Variants in STPG4 observed in about 807,000 individuals in gnomAD.
STPG4 encodes protein STPG4.
A neutral mutation model predicts 31.5 loss-of-function variants in STPG4; 41 were observed. The observed-to-expected ratio is 1.30, with a 90% CI of 1.01 to 1.69. The LOEUF is 1.69. Among genes scored for constraint, STPG4 ranks in the 40% most tolerant of loss-of-function variants. The probability of loss-of-function intolerance (pLI) is 0.00; values close to 1 mark genes in which losing one functional copy is unlikely to be tolerated. For missense variants in STPG4, 375 were observed against 293.4 expected (o/e 1.28, Z -2.03); for synonymous variants, 141 against 103.0 (o/e 1.37, Z -2.24).
Position 47,126,983 on chromosome 2 carries a change from G to C in STPG4, c.519+2958C>G, listed in dbSNP as rs569473677. Among the ~76,000 whole-genome samples the C allele has an allele frequency of 3.3e-5, 5 of 152,048 alleles. No individual in the cohort carries two copies. The South Asian group carries it at 8.3e-4, about 25-fold the overall frequency. On this transcript the variant is annotated intron_variant, in intron 5 of 6. Coordinates refer to ENST00000445927, the MANE Select transcript of STPG4 (RefSeq NM_001163561.2). ...TTGGGAGTTTGATTATTAATGTCTT[G>C]AGGTGGTCTTATTTGGGTTAAATAT...
At position 47,088,165 on chromosome 2, in the gene STPG4, C is replaced by T. The variant is rs544460848; in HGVS notation, c.625-1035G>A. Among the ~76,000 whole-genome samples the T allele has an allele frequency of 6.6e-5, 10 of 151,912 alleles. No homozygotes were observed. In the South Asian group the frequency reaches 1.9e-3, roughly 29 times the overall value. On this transcript the variant is annotated intron_variant, in intron 6 of 6. Coordinates refer to ENST00000445927, the MANE Select transcript of STPG4 (RefSeq NM_001163561.2). ...CAGGACCTCAGCTCACTGCAACCTCCACCTCCTGGGCTTAAGCGATTCTCA... is the reference window on the plus strand; with the variant it reads ...CAGGACCTCAGCTCACTGCAACCTCTACCTCCTGGGCTTAAGCGATTCTCA...
chr2:47,137,090 T>C lies in STPG4; in HGVS notation c.400-6830A>G, dbSNP rs184222297. ...CTGATCTTAGTGGGAAAGCTTCTAG[T>C]TTCTCACCATTAAGTATGATGCTAG... On this transcript the variant is annotated intron_variant, in intron 3 of 6. Transcript: ENST00000445927. Among the ~76,000 whole-genome samples the C allele has an allele frequency of 1.1e-3, 168 of 152,338 alleles. 1 individual carries two copies. The highest frequency in any genetic ancestry group is 4.0e-3 in the African/African-American group (165 of 41,576).
At chr2:47,148,339 G>C (rs904768465) in intron 3 of STPG4, among the ~76,000 whole-genome samples, 2 of 151,776 alleles carry the variant, frequency 1.3e-5, no homozygotes, top group African/African-American at 2.4e-5. Context: ...CTCAGCACTT[G>C]GGTGATGGGA....
At chr2:47,135,271 T>G (rs991740492) in intron 3 of STPG4, among the ~76,000 whole-genome samples, 12 of 152,192 alleles carry the variant, frequency 7.9e-5, no homozygotes, top group African/African-American at 2.7e-4. Context: ...TCGTCTAGAT[T>G]TTCTTATGTT....
chr2:47,095,431 C>G (rs1685650595), intron 5 of STPG4, among the ~76,000 whole-genome samples: 1 of 152,160 alleles, frequency 6.6e-6, no homozygotes, highest in African/African-American at 2.4e-5. Context: ...GCGAATGAGG[C>G]ATGAACAGAT....
At chr2:47,089,361 T>G (rs1163090176) in intron 6 of STPG4, among the ~76,000 whole-genome samples, 3 of 152,302 alleles carry the variant, frequency 2.0e-5, no homozygotes, top group African/African-American at 7.2e-5. Context: ...CCAGCAGCTC[T>G]GGGGCAGAGA....
At chr2:47,102,835 A>T (rs910143357) in intron 5 of STPG4, among the ~76,000 whole-genome samples, 1 of 151,836 alleles carries the variant, frequency 6.6e-6, no homozygotes, top group African/African-American at 2.4e-5. Context: ...AAAGCAGATC[A>T]AGGCAGACCT....
intron 5 of STPG4, among the ~76,000 whole-genome samples, chr2:47,111,589 A>G (rs570595464): frequency 1.3e-5 from 2 of 152,244 alleles, no homozygotes; most frequent in South Asian, 2.1e-4. Flanking sequence ...TGGTCTTGCA[A>G]TTTGTGAGGC....
At chr2:47,123,938 A>C (rs2103771779) in intron 5 of STPG4, among the ~76,000 whole-genome samples, 1 of 152,256 alleles carries the variant, frequency 6.6e-6, no homozygotes, top group East Asian at 1.9e-4. Context: ...TCATTTCTTT[A>C]TGTTACAAAC....
At chr2:47,139,206 A>G (rs1251316316) in intron 3 of STPG4, among the ~76,000 whole-genome samples, 1 of 152,204 alleles carries the variant, frequency 6.6e-6, no homozygotes. Context: ...TACTGAAGTC[A>G]TCTATTTCTC....
Position 47,130,244 on chromosome 2 carries a change from G to A in STPG4, c.416C>T (p.Pro139Leu), listed in dbSNP as rs201796380. The A allele has an allele frequency of 1.8e-4, 292 of 1,614,032 alleles. No homozygotes were observed. In the East Asian group the frequency reaches 3.9e-3, roughly 22 times the overall value. ...VDKDQSLQLSPGQYNVLPAPV... is the reference protein window; with the variant it reads ...VDKDQSLQLSLGQYNVLPAPV... The stretch of plus-strand genomic sequence containing the variant: ...TGCAGGAAGCACGTTGTATTGCCCC[G>A]GAGAAAGCTGAAGTGACTGCACAGA... The change falls in exon 4 of 7, where the codon CCG becomes CTG. Residue 139 changes from proline to leucine, a missense_variant. By Grantham distance (98) the Pro-to-Leu change is moderately conservative. Coordinates refer to ENST00000445927, the MANE Select transcript of STPG4 (RefSeq NM_001163561.2).
intron 6 of STPG4, 150 bp downstream of exon 6, chr2:47,090,120 C>A (rs1030161486): frequency 5.6e-6 from 3 of 537,650 alleles, no homozygotes; most frequent in Middle Eastern, 6.4e-4. Context: ...ATTGCCTTGA[C>A]AGGCAACTGT....
intron 5 of STPG4, among the ~76,000 whole-genome samples, chr2:47,115,811 C>G (rs1686142029): frequency 6.6e-6 from 1 of 152,062 alleles, no homozygotes; most frequent in Admixed American, 6.6e-5. Context: ...CGCTGCCATG[C>G]ACGACTAATT....
At chr2:47,108,464 G>C (rs1039288877) in intron 5 of STPG4, 2 of 156,012 alleles carry the variant, frequency 1.3e-5, no homozygotes, top group Admixed American at 1.3e-4. Context: ...GAACATATCC[G>C]AACATCAGAA....
chr2:47,125,036 G>A (rs531205593), intron 5 of STPG4, among the ~76,000 whole-genome samples: 4 of 152,258 alleles, frequency 2.6e-5, no homozygotes, highest in East Asian at 1.9e-4. Flanking sequence ...GTTGAGCACC[G>A]TTTTATACAC....
At chr2:47,131,313 G>C (rs562786475) in intron 3 of STPG4, among the ~76,000 whole-genome samples, 1 of 151,826 alleles carries the variant, frequency 6.6e-6, no homozygotes, top group Admixed American at 6.6e-5. Context: ...TCTTAATAGA[G>C]ACAAACTCTC....
intron 5 of STPG4, among the ~76,000 whole-genome samples, chr2:47,115,865 G>T (rs1476507067): frequency 2.0e-5 from 3 of 152,068 alleles, no homozygotes; most frequent in Non-Finnish European, 4.4e-5. Flanking sequence ...TGTTCCCCAG[G>T]CTGGTCTTGA....
chr2:47,114,423 C>A (rs1686104187), intron 5 of STPG4, among the ~76,000 whole-genome samples: 1 of 152,072 alleles, frequency 6.6e-6, no homozygotes, highest in Admixed American at 6.5e-5. Context: ...AAGAGAATAA[C>A]TTGAACCCAG....
At chr2:47,098,632 C>A (rs936497387) in intron 5 of STPG4, among the ~76,000 whole-genome samples, 1 of 151,892 alleles carries the variant, frequency 6.6e-6, no homozygotes, top group African/African-American at 2.4e-5. Flanking sequence ...AAATTATGAC[C>A]CCAAATATCT....
Sources: allele counts gnomAD v4.1 joint callset (sites outside exome capture counted in the v4.1 genomes callset), GRCh38; gene constraint gnomAD v4.1.1; transcripts MANE v1.5; gene names NCBI Gene and HGNC (gene_info 2026-07-23, HGNC 2026-07-21).